The following CWH43 variants were observed in gnomAD, a reference collection of about 807,000 sequenced individuals.
CWH43 encodes the protein cell wall biogenesis 43 C-terminal homolog.
Under a neutral mutation model 85.7 loss-of-function variants are expected in CWH43, and 91 were observed. The ratio of observed to expected loss-of-function variants is 1.06; its 90% CI spans 0.90 to 1.26. The LOEUF is 1.26. CWH43 is among the 50% of genes most tolerant of loss of function. The pLI is 0.00. For missense variants in CWH43, 869 were observed against 839.2 expected (o/e 1.04, Z -0.44); for synonymous variants, 323 against 293.6 (o/e 1.10, Z -1.02).
Position 49,030,879 on chromosome 4 carries a change from A to T in CWH43, c.1427A>T (p.Asn476Ile), listed in dbSNP as rs370873128. 17 of 1,610,858 alleles carry T rather than the reference A, an allele frequency of 1.1e-5. No homozygotes were observed. Among genetic ancestry groups the T allele is most frequent in the Non-Finnish European group, 1.4e-5 (17 of 1,178,876 alleles). ...GATGCTTCTAAGCCCTATATGGGGAACAATGACTTAACCATGTGGCTAGGG... is the reference window on the plus strand; with the variant it reads ...GATGCTTCTAAGCCCTATATGGGGATCAATGACTTAACCATGTGGCTAGGG... Reference protein sequence around the residue: ...ESDASKPYMGNNDLTMWLGEK... With the variant: ...ESDASKPYMGINDLTMWLGEK... The change falls in exon 11 of 16, where the codon AAC becomes ATC. Residue 476 changes from asparagine (N) to isoleucine (I), a missense_variant. Coordinates refer to ENST00000226432, the MANE Select transcript of CWH43 (RefSeq NM_025087.3).
At chr4:48,991,390 G>T in intron 2 of CWH43, 64 bp from the exon 3 acceptor site, 2 of 1,583,738 alleles carry the variant, frequency 1.3e-6, no homozygotes, top group Non-Finnish European at 1.7e-6. Context: ...TGCATCAAAT[G>T]CAGATCACGG....
intron 15 of CWH43, among the ~76,000 whole-genome samples, chr4:49,055,781 G>T (rs2109847530): frequency 6.6e-6 from 1 of 152,086 alleles, no homozygotes; most frequent in South Asian, 2.1e-4. Context: ...GTAGAGATAG[G>T]GTTTCGCCAT....
At chr4:49,045,694 G>A (rs894344054) in intron 14 of CWH43, among the ~76,000 whole-genome samples, 5 of 151,958 alleles carry the variant, frequency 3.3e-5, no homozygotes, top group Admixed American at 2.6e-4. Flanking sequence ...TGACAAAATC[G>A]CCTTATGACA....
At chr4:49,044,696 A>G in intron 13 of CWH43, 90 bp from the exon 14 acceptor site, 2 of 949,122 alleles carry the variant, frequency 2.1e-6, no homozygotes, top group South Asian at 1.5e-5. Context: ...ACAAAGAGAT[A>G]TTTATCATGT....
At position 49,016,754 on chromosome 4, in the gene CWH43, C is replaced by G. The variant is rs535528133; in HGVS notation, c.1187-495C>G. The G allele has an allele frequency of 1.1e-4, 87 of 777,802 alleles. 1 individual carries two copies. In the East Asian group the frequency reaches 2.1e-3, roughly 19 times the overall value. The allele number at this position is 777,802 out of a possible 1,614,324, so 48.2% of individuals were successfully genotyped here. A position where few individuals can be genotyped will look rare whatever the true frequency, so the allele number is the denominator to read the frequency against. ...CAACCTTCTCAGTGATGCCAGCTTC[C>G]CTTGCATCTAGCTTCTTCCCAATGC... On this transcript the variant is annotated intron_variant, in intron 8 of 15. Coordinates refer to ENST00000226432, the MANE Select transcript of CWH43 (RefSeq NM_025087.3).
intron 8 of CWH43, among the ~76,000 whole-genome samples, chr4:49,015,978 C>T (rs996551227): frequency 3.9e-5 from 6 of 151,996 alleles, no homozygotes; most frequent in African/African-American, 9.7e-5. Context: ...CAGAGAGTTC[C>T]AACATCTGTC....
chr4:49,025,908 T>TC (rs1203128754), intron 9 of CWH43, among the ~76,000 whole-genome samples: 1 of 151,934 alleles, frequency 6.6e-6, no homozygotes, highest in Non-Finnish European at 1.5e-5. Context: ...GCCATGGAAC[T>TC]CCCCCAAAAT....
At chr4:49,005,481 A>G (rs1384040873) in intron 7 of CWH43, among the ~76,000 whole-genome samples, 7 of 151,998 alleles carry the variant, frequency 4.6e-5, no homozygotes, top group Non-Finnish European at 8.8e-5. Context: ...ATAAAACGAG[A>G]CAAATACTTA....
chr4:48,993,462 A>C (rs1344883072), intron 4 of CWH43, among the ~76,000 whole-genome samples: 1 of 152,098 alleles, frequency 6.6e-6, no homozygotes, highest in South Asian at 2.1e-4. Flanking sequence ...TTTCTTGGGA[A>C]ATTAGACTGC....
chr4:49,058,005 A>G (rs970117575), intron 15 of CWH43, among the ~76,000 whole-genome samples: 2 of 152,156 alleles, frequency 1.3e-5, no homozygotes, highest in Non-Finnish European at 2.9e-5. Flanking sequence ...TCAAAGCTAA[A>G]GTGAGTTTTT....
intron 15 of CWH43, among the ~76,000 whole-genome samples, chr4:49,057,933 C>G (rs1199651714): frequency 6.6e-6 from 1 of 152,160 alleles, no homozygotes; most frequent in African/African-American, 2.4e-5. Flanking sequence ...TCCCACATCT[C>G]TTTTGGTTAT....
In CWH43 at chr4:48,988,541, A is replaced by T. The variant is rs748920326; in HGVS notation, c.108A>T (p.Thr36=). 14 of 1,613,402 alleles carry T rather than the reference A, an allele frequency of 8.7e-6. No homozygotes were observed. Among genetic ancestry groups the T allele is most frequent in the South Asian group, 3.3e-5 (3 of 91,028 alleles). ...TGATCTATTACTTTCCTTTGCAAAC[A>T]CTAGAACTCACTGGGCTTGAAGGTT... The part of the protein sequence containing the change: ...GPMIYYFPLQ[T]LELTGLEGFS... The change falls in exon 2 of 16, where the codon ACA becomes ACT. Residue 36 remains threonine, a synonymous_variant. Transcript: ENST00000226432.
intron 5 of CWH43, among the ~76,000 whole-genome samples, chr4:48,995,969 C>T (rs1782797225): frequency 6.6e-6 from 1 of 151,844 alleles, no homozygotes; most frequent in Admixed American, 6.6e-5. Context: ...CAGTTCCCCC[C>T]CACCAATACC....
In CWH43 at chr4:49,062,018, T is replaced by C. The variant is rs549571079; in HGVS notation, c.*128T>C. 29 of 625,810 alleles carry C rather than the reference T, an allele frequency of 4.6e-5. No homozygotes were observed. The African/African-American group carries it at 5.0e-4, about 11-fold the overall frequency. The allele number at this position is 625,810 out of a possible 1,614,324, so 38.8% of individuals were successfully genotyped here. On this transcript the variant is annotated 3_prime_UTR_variant, in exon 16 of 16. Coordinates refer to ENST00000226432, the MANE Select transcript of CWH43 (RefSeq NM_025087.3). ...CTCAACTTAAAAAACACATGGTATC[T>C]ATGCAGTGGGAAATTACCTCCATTT...
chr4:49,055,797 C>G (rs1314799778), intron 15 of CWH43, among the ~76,000 whole-genome samples: 3 of 152,052 alleles, frequency 2.0e-5, no homozygotes, highest in Non-Finnish European at 4.4e-5. Context: ...GCCATGTTGG[C>G]CAGGCTGGTC....
At chr4:48,988,388 C>T (rs532154605) in intron 1 of CWH43, 89 bp from the exon 2 acceptor site, 101 of 999,960 alleles carry the variant, frequency 1.0e-4, no homozygotes, top group East Asian at 1.3e-4. Context: ...GAATGACCAG[C>T]CCAAGCGGCT....
At chr4:49,026,387 G>T (rs1415002046) in intron 9 of CWH43, among the ~76,000 whole-genome samples, 1 of 152,182 alleles carries the variant, frequency 6.6e-6, no homozygotes, top group East Asian at 1.9e-4. Context: ...GGCTTTCTTG[G>T]CATGTTCCTG....
chr4:48,986,837 G>A (rs1214788861), intron 1 of CWH43: 1 of 1,058,600 alleles, frequency 9.4e-7, no homozygotes, highest in Non-Finnish European at 1.1e-6. Context: ...ACTTAATACA[G>A]TTCAGTGCTG....
Position 49,030,862 on chromosome 4 carries a change from T to G in CWH43, c.1410T>G (p.Ser470=), listed in dbSNP as rs755901661. The change falls in exon 11 of 16, where the codon TCT becomes TCG. Residue 470 remains serine (S), a synonymous_variant. Transcript: ENST00000226432. ...DFITILESDA[S]KPYMGNNDLT... is the part of the protein sequence containing the mutation. ...TAACAATTTTGGAGAGTGATGCTTC[T>G]AAGCCCTATATGGGGAACAATGACT... The G allele has an allele frequency of 6.2e-7, 1 of 1,603,964 alleles. No individual in the cohort carries two copies. The highest frequency in any genetic ancestry group is 1.1e-5 in the South Asian group (1 of 89,120).
Sources: gnomAD v4.1 joint callset for allele counts (sites outside exome capture counted in the v4.1 genomes callset) on GRCh38, gnomAD v4.1.1 for gene constraint, MANE v1.5 for transcripts, NCBI Gene and HGNC (gene_info 2026-07-23, HGNC 2026-07-21) for gene names.